The following NREP variants were observed in gnomAD, a reference collection of about 807,000 sequenced individuals.
The protein encoded by NREP is neuronal regeneration-related protein.
A neutral mutation model predicts 8.6 loss-of-function variants in NREP; 5 were observed. The ratio of observed to expected loss-of-function variants is 0.58; its 90% CI spans 0.30 to 1.22. The LOEUF is 1.22. NREP is among the 50% of genes most tolerant of loss of function. NREP has a pLI of 0.07. For missense variants in NREP, 86 were observed against 82.5 expected (o/e 1.04, Z -0.17); for synonymous variants, 27 against 28.0 (o/e 0.96, Z 0.11).
intron 2 of NREP, among the ~76,000 whole-genome samples, chr5:111,825,348 G>C (rs1752598189): frequency 6.6e-6 from 1 of 152,178 alleles, no homozygotes; most frequent in Non-Finnish European, 1.5e-5. Context: ...ATTGGGGTGG[G>C]AGAATAGGAC....
In NREP at chr5:111,789,349, T is replaced by C. The variant is rs909965286; in HGVS notation, c.136-53842A>G. ...TTTCTCAAACTACCACATTTAATGA[T>C]GCATGCGGAAGTTTCCACTTAAACA... On this transcript the variant is annotated intron_variant, in intron 2 of 3. Coordinates refer to the NREP transcript ENST00000395634. 5.9e-5 allele frequency among the ~76,000 whole-genome samples: 9 copies of C among 152,350 alleles called. No homozygotes were observed. In the East Asian group the frequency reaches 1.7e-3, roughly 29 times the overall value.
At chr5:111,930,592 T>A (rs1296587456) in intron 2 of NREP, among the ~76,000 whole-genome samples, 1 of 152,196 alleles carries the variant, frequency 6.6e-6, no homozygotes, top group Non-Finnish European at 1.5e-5. Context: ...GTCAGACCTA[T>A]GCACATGACT....
intron 2 of NREP, among the ~76,000 whole-genome samples, chr5:111,780,616 A>G (rs1751470608): frequency 6.6e-6 from 1 of 152,174 alleles, no homozygotes; most frequent in Admixed American, 6.5e-5. Context: ...AAATCATGGA[A>G]GGAGACTGGA....
chr5:111,860,045 C>A (rs960909036), intron 2 of NREP, among the ~76,000 whole-genome samples: 1 of 152,144 alleles, frequency 6.6e-6, no homozygotes, highest in Non-Finnish European at 1.5e-5. Flanking sequence ...TGCATAATCA[C>A]GTTGTGAGTG....
At position 111,730,804 on chromosome 5, in the gene NREP, A is replaced by T. The variant is rs143137360; in HGVS notation, c.*117T>A. The T allele has an allele frequency of 9.2e-4, 1,089 of 1,180,786 alleles. 10 individuals carry two copies. In the African/African-American group the frequency reaches 0.016, roughly 17 times the overall value. The allele number at this position is 1,180,786 out of a possible 1,614,324, so 73.1% of individuals were successfully genotyped here. Reference sequence around the variant, plus strand: ...CTGTAAATTCTCTAAAGCAAGGCTCAGAGTCCCATAGTTTCTTCTTATACT... The same window carrying T: ...CTGTAAATTCTCTAAAGCAAGGCTCTGAGTCCCATAGTTTCTTCTTATACT... On this transcript the variant is annotated 3_prime_UTR_variant, in exon 4 of 4. Coordinates refer to ENST00000257435, the MANE Select transcript of NREP (RefSeq NM_004772.4).
At chr5:111,779,100 G>A (rs998134156) in intron 2 of NREP, among the ~76,000 whole-genome samples, 1 of 152,040 alleles carries the variant, frequency 6.6e-6, no homozygotes, top group African/African-American at 2.4e-5. Context: ...TGAAATATAT[G>A]AAAAGAAATT....
chr5:111,948,977 C>T (rs1280968139), intron 2 of NREP: 1 of 151,778 alleles, frequency 6.6e-6, no homozygotes, highest in African/African-American at 2.4e-5. Flanking sequence ...AGAGAAAACA[C>T]AAGGAAAAAC....
At position 111,963,329 on chromosome 5, in the gene NREP, C is replaced by A. The variant is rs987087194; in HGVS notation, c.135+11945G>T. On this transcript the variant is annotated intron_variant, in intron 2 of 3. Coordinates refer to the NREP transcript ENST00000395634. The stretch of plus-strand genomic sequence containing the variant: ...TGGGGCACCCCCATTGCAAGTCCAA[C>A]AATGGGGTCCAGAAAAACTCCTGCA... Among the ~76,000 whole-genome samples the A allele has an allele frequency of 5.9e-5, 9 of 152,346 alleles. No homozygotes were observed. The East Asian group carries it at 1.5e-3, about 26-fold the overall frequency.
At chr5:111,975,153 T>TGAAAG in intron 2 of NREP, 1 of 686,120 alleles carries the variant, frequency 1.5e-6, no homozygotes, top group South Asian at 1.8e-5. Flanking sequence ...TGGAAAGGCT[T>TGAAAG]TCACGGGGCA....
chr5:111,801,388 T>C (rs1752003371), intron 2 of NREP, among the ~76,000 whole-genome samples: 1 of 152,206 alleles, frequency 6.6e-6, no homozygotes, highest in African/African-American at 2.4e-5. Flanking sequence ...AAGAAGGCAA[T>C]GGCAACCAAG....
chr5:111,958,451 T>G (rs1173701162), intron 2 of NREP, among the ~76,000 whole-genome samples: 2 of 151,880 alleles, frequency 1.3e-5, no homozygotes, highest in Non-Finnish European at 2.9e-5. Context: ...AAATGCAGTG[T>G]TTTAAAACTA....
At chr5:111,867,534 T>C (rs747827224) in intron 2 of NREP, among the ~76,000 whole-genome samples, 40 of 152,274 alleles carry the variant, frequency 2.6e-4, no homozygotes, top group Admixed American at 2.2e-3. Context: ...TCAAATATTG[T>C]GTGAGATCTT....
intron 2 of NREP, among the ~76,000 whole-genome samples, chr5:111,901,262 C>G (rs1754639506): frequency 6.6e-6 from 1 of 152,046 alleles, no homozygotes. Context: ...AATTTAATTA[C>G]TTTTCTTAGA....
chr5:111,781,748 A>C (rs980326296), intron 2 of NREP, among the ~76,000 whole-genome samples: 8 of 152,172 alleles, frequency 5.3e-5, no homozygotes, highest in Non-Finnish European at 1.2e-4. Flanking sequence ...TTTTCATGGC[A>C]CTTTTTAGAT....
chr5:111,945,522 AG>A (rs1755953290), intron 2 of NREP, among the ~76,000 whole-genome samples: 1 of 7,350 alleles, frequency 1.4e-4, no homozygotes, highest in Non-Finnish European at 1.1e-3. Context: ...AAGAAGAAAA[AG>A]GAAAAAGAAG....
intron 2 of NREP, among the ~76,000 whole-genome samples, chr5:111,920,373 A>G (rs1211626230): frequency 6.6e-6 from 1 of 151,950 alleles, no homozygotes; most frequent in African/African-American, 2.4e-5. Context: ...TACGTGTGTC[A>G]TGGTGGTTTG....
chr5:111,836,699 G>T (rs1212335295), intron 2 of NREP, among the ~76,000 whole-genome samples: 1 of 152,036 alleles, frequency 6.6e-6, no homozygotes, highest in East Asian at 1.9e-4. Context: ...GGGAGAGCTG[G>T]CAGTGGTTGT....
At chr5:111,935,317 T>TA (rs1428775688) in intron 2 of NREP, among the ~76,000 whole-genome samples, 2 of 152,038 alleles carry the variant, frequency 1.3e-5, no homozygotes, top group African/African-American at 4.8e-5. Context: ...GAGATCAACT[T>TA]ACCCCAGCAC....
At chr5:111,842,231 AT>A (rs1753046884) in intron 2 of NREP, among the ~76,000 whole-genome samples, 1 of 152,108 alleles carries the variant, frequency 6.6e-6, no homozygotes, top group African/African-American at 2.4e-5. Flanking sequence ...CTCAATTTCA[AT>A]AATAAATTTG....
Sources: allele counts gnomAD v4.1 joint callset (sites outside exome capture counted in the v4.1 genomes callset), GRCh38; gene constraint gnomAD v4.1.1; transcripts MANE v1.5; gene names NCBI Gene and HGNC (gene_info 2026-07-23, HGNC 2026-07-21).